ST3GAL2: variants seen among roughly 807,000 people sequenced by gnomAD.
ST3GAL2 encodes the protein ST3 beta-galactoside alpha-2,3-sialyltransferase 2.
In ST3GAL2, 16 loss-of-function variants were observed where a neutral mutation model predicts 37.5. The observed-to-expected ratio is 0.43, with a 90% CI of 0.29 to 0.65. The LOEUF (loss-of-function observed/expected upper bound fraction) is 0.65. Among genes scored for constraint, ST3GAL2 ranks in the 30% least tolerant of loss-of-function variants. ST3GAL2 has a pLI of 0.17. For missense variants in ST3GAL2, 383 were observed against 487.8 expected (o/e 0.79, Z 2.02); for synonymous variants, 238 against 202.9 (o/e 1.17, Z -1.47).
chr16:70,384,817 G>A (rs1407355990), intron 4 of ST3GAL2, among the ~76,000 whole-genome samples: 1 of 150,898 alleles, frequency 6.6e-6, no homozygotes, highest in Non-Finnish European at 1.5e-5. Flanking sequence ...CTGAGGTCAG[G>A]GGTTCAACAC....
At chr16:70,408,085 T>C (rs1391702742) in intron 1 of ST3GAL2, among the ~76,000 whole-genome samples, 1 of 152,128 alleles carries the variant, frequency 6.6e-6, no homozygotes, top group African/African-American at 2.4e-5. Flanking sequence ...ACTGCTCCAA[T>C]GGACCGATGC....
At chr16:70,402,592 G>A (rs1166221294) in intron 1 of ST3GAL2, among the ~76,000 whole-genome samples, 1 of 152,190 alleles carries the variant, frequency 6.6e-6, no homozygotes, top group Admixed American at 6.5e-5. Context: ...ATGAAATAAG[G>A]AGGGCTGAAG....
intron 3 of ST3GAL2, among the ~76,000 whole-genome samples, chr16:70,393,386 A>G (rs1339877085): frequency 6.6e-6 from 1 of 152,044 alleles, no homozygotes; most frequent in Admixed American, 6.6e-5. Flanking sequence ...AGCCTTATAA[A>G]TTTCTTTCTG....
intron 1 of ST3GAL2, among the ~76,000 whole-genome samples, chr16:70,408,115 T>G (rs1483558731): frequency 6.6e-6 from 1 of 152,046 alleles, no homozygotes; most frequent in Non-Finnish European, 1.5e-5. Flanking sequence ...CTCTGAGCAT[T>G]TTCGGGGGAT....
rs2047396657 is a variant in ST3GAL2 at position 70,380,901 on chromosome 16, TGAG to T, written c.*785_*787del. ...TTTTCCAGAGCAACAGGTAGGCTGG[TGAG>T]GAGGCCTCCGGCCCAGGGAGAGGCG... is the stretch of plus-strand genomic sequence containing the variant. On this transcript the variant is annotated 3_prime_UTR_variant, in exon 7 of 7. Coordinates refer to ENST00000342907, the MANE Select transcript of ST3GAL2 (RefSeq NM_006927.4). 6.5e-6 allele frequency: 1 copy of T among 153,834 alleles called. No homozygotes were observed. The highest frequency in any genetic ancestry group is 6.5e-5 in the Admixed American group (1 of 15,280). The allele number at this position is 153,834 out of a possible 1,614,324, so 9.5% of individuals were successfully genotyped here.
At chr16:70,409,595 C>T (rs1226107570) in intron 1 of ST3GAL2, among the ~76,000 whole-genome samples, 8 of 152,020 alleles carry the variant, frequency 5.3e-5, no homozygotes, top group Admixed American at 5.3e-4. Context: ...CGCCCACCTC[C>T]GCCTCCCAAA....
intron 1 of ST3GAL2, among the ~76,000 whole-genome samples, chr16:70,410,058 T>C (rs1597568606): frequency 6.6e-6 from 1 of 151,772 alleles, no homozygotes; most frequent in Non-Finnish European, 1.5e-5. Context: ...TGAGCCACCT[T>C]GCTCAGTCCT....
At chr16:70,401,506 G>C (rs2047554566) in intron 1 of ST3GAL2, among the ~76,000 whole-genome samples, 1 of 151,994 alleles carries the variant, frequency 6.6e-6, no homozygotes, top group Non-Finnish European at 1.5e-5. Flanking sequence ...AGGGCAAATG[G>C]AGCCATGGGG....
At chr16:70,436,664 A>G (rs2047827608) in intron 1 of ST3GAL2, among the ~76,000 whole-genome samples, 1 of 151,966 alleles carries the variant, frequency 6.6e-6, no homozygotes, top group Non-Finnish European at 1.5e-5. Context: ...CCAGGAGACT[A>G]TGACTCTCAG....
chr16:70,413,514 G>A (rs970965646), intron 1 of ST3GAL2, among the ~76,000 whole-genome samples: 4 of 136,120 alleles, frequency 2.9e-5, no homozygotes, highest in African/African-American at 1.1e-4. Flanking sequence ...TCAGGAGTTC[G>A]AGACCAGCCT....
intron 1 of ST3GAL2, among the ~76,000 whole-genome samples, chr16:70,406,132 T>C (rs2047590806): frequency 6.6e-6 from 1 of 150,956 alleles, no homozygotes; most frequent in Non-Finnish European, 1.5e-5. Context: ...TATAGCTCAA[T>C]AAAGGTGTTA....
At chr16:70,401,126 C>G (rs567343823) in intron 1 of ST3GAL2, 1 of 152,534 alleles carries the variant, frequency 6.6e-6, no homozygotes, top group East Asian at 1.9e-4. Context: ...GCAGGTGGCC[C>G]TGGAAGACAG....
chr16:70,425,342 G>T (rs11639541), intron 1 of ST3GAL2, among the ~76,000 whole-genome samples: 1 of 152,108 alleles, frequency 6.6e-6, no homozygotes, highest in South Asian at 2.1e-4. Flanking sequence ...TGCGCCTGTA[G>T]TTCCAGCTAC....
chr16:70,424,866 G>A (rs988394665), intron 1 of ST3GAL2, among the ~76,000 whole-genome samples: 1 of 152,126 alleles, frequency 6.6e-6, no homozygotes, highest in African/African-American at 2.4e-5. Flanking sequence ...CTTCGTCTCA[G>A]CATCTCTTTT....
intron 3 of ST3GAL2, among the ~76,000 whole-genome samples, chr16:70,393,515 T>C (rs1374122459): frequency 6.6e-6 from 1 of 152,206 alleles, no homozygotes; most frequent in African/African-American, 2.4e-5. Flanking sequence ...AAGCTCAAAC[T>C]TGATGCAGGT....
At chr16:70,397,210 T>A (rs2047523189) in intron 2 of ST3GAL2, among the ~76,000 whole-genome samples, 1 of 151,392 alleles carries the variant, frequency 6.6e-6, no homozygotes, top group African/African-American at 2.4e-5. Context: ...CTGGCTAATT[T>A]TTTTTCATTT....
chr16:70,425,093 T>A (rs1434045582), intron 1 of ST3GAL2, among the ~76,000 whole-genome samples: 4 of 151,978 alleles, frequency 2.6e-5, no homozygotes, highest in Non-Finnish European at 5.9e-5. Flanking sequence ...ACGCCTGTAG[T>A]CCCCACTGCT....
intron 2 of ST3GAL2, among the ~76,000 whole-genome samples, chr16:70,397,043 C>T (rs866709760): frequency 2.1e-4 from 27 of 130,266 alleles, no homozygotes; most frequent in African/African-American, 6.7e-4. Flanking sequence ...TCTTTTCTTT[C>T]TTTTTTTTTT....
chr16:70,397,273 C>G (rs2047523656), intron 2 of ST3GAL2, among the ~76,000 whole-genome samples: 2 of 151,126 alleles, frequency 1.3e-5, no homozygotes, highest in African/African-American at 4.9e-5. Flanking sequence ...GAACTCCTGA[C>G]CTCATGATCC....
Sources: gnomAD v4.1 joint callset for allele counts (sites outside exome capture counted in the v4.1 genomes callset) on GRCh38, gnomAD v4.1.1 for gene constraint, MANE v1.5 for transcripts, NCBI Gene and HGNC (gene_info 2026-07-23, HGNC 2026-07-21) for gene names.